FAM240A: variants seen among roughly 807,000 people sequenced by gnomAD.
FAM240A encodes the protein protein FAM240A.
A neutral mutation model predicts 7.3 loss-of-function variants in FAM240A; 8 were observed. The observed-to-expected ratio is 1.09, with a 90% CI of 0.64 to 1.97. The LOEUF (loss-of-function observed/expected upper bound fraction) is 1.97, where lower values mean the gene tolerates loss of function less well. Ranked by LOEUF, FAM240A falls within the 30% of genes most tolerant of loss-of-function variation. The pLI is 0.00. For missense variants in FAM240A, 90 were observed against 102.2 expected, an observed-to-expected ratio of 0.88 and a Z score of 0.52; for synonymous variants, 32 against 35.9, an observed-to-expected ratio of 0.89 and a Z score of 0.38.
In FAM240A at chr3:46,621,870, A is replaced by G. The variant is rs376512856; in HGVS notation, c.162-3258A>G. On this transcript the variant is annotated intron_variant, in intron 2 of 2. Transcript: ENST00000640551. ...GTTTAGTCCTTTTTCATTTATTGTA[A>G]CTGGCTTGTTTCTACCATCTTAGTT... Among the ~76,000 whole-genome samples, 18 of 151,746 alleles carry G rather than the reference A, an allele frequency of 1.2e-4. No individual in the cohort carries two copies. In the East Asian group the frequency reaches 1.5e-3, roughly 13 times the overall value.
chr3:46,618,569 G>A (rs1030103418), intron 2 of FAM240A, among the ~76,000 whole-genome samples: 11 of 152,162 alleles, frequency 7.2e-5, no homozygotes, highest in South Asian at 2.1e-4. Flanking sequence ...GGCCGGGTGC[G>A]GTGACTCACG....
intron 1 of FAM240A, among the ~76,000 whole-genome samples, chr3:46,613,514 A>AATAAATAC (rs1697591926): frequency 6.6e-6 from 1 of 151,328 alleles, no homozygotes; most frequent in African/African-American, 2.4e-5. Context: ...TAAATAAATA[A>AATAAATAC]ATAAATAAAT....
chr3:46,625,128 G>T lies in FAM240A; in HGVS notation c.162G>T (p.Lys54Asn). 1.3e-6 allele frequency: 2 copies of T among 1,533,830 alleles called. No homozygotes were observed. Among genetic ancestry groups the T allele is most frequent in the Non-Finnish European group, 1.7e-6 (2 of 1,145,256 alleles). Residue 54 changes from lysine to asparagine, a missense_variant and splice_region_variant, in exon 3 of 3, where the codon AAG becomes AAT. Coordinates refer to ENST00000640551, the MANE Select transcript of FAM240A (RefSeq NM_001195442.2). ...CTGTGTGTTTGGTTTCTATTTTCAG[G>T]CTCAGAGAAGAATGGAAGCAGAGGC... ...ERRLGRSALR[K>N]LREEWKQRLE... is the part of the protein sequence containing the mutation.
At chr3:46,619,276 T>C (rs558187018) in intron 2 of FAM240A, among the ~76,000 whole-genome samples, 1 of 152,228 alleles carries the variant, frequency 6.6e-6, no homozygotes, top group Admixed American at 6.5e-5. Flanking sequence ...AGCAGAGACT[T>C]TGCAGCTGGT....
At chr3:46,621,382 G>C (rs1376656450) in intron 2 of FAM240A, among the ~76,000 whole-genome samples, 2 of 151,994 alleles carry the variant, frequency 1.3e-5, no homozygotes, top group African/African-American at 4.8e-5. Context: ...AACCAACCTT[G>C]TTTTTATTAG....
At position 46,625,243 on chromosome 3, in the gene FAM240A, G is replaced by GGT; in HGVS notation, c.*25_*26insGT. ...AGAGCTTCCTGCTTCATTGACACAA[G>GGT]AAGATGCAAAACACTGAGGTCACTT... On this transcript the variant is annotated 3_prime_UTR_variant, in exon 3 of 3. Transcript: ENST00000640551. The GGT allele has an allele frequency of 1.3e-6, 2 of 1,503,378 alleles. No homozygotes were observed. Among genetic ancestry groups the GGT allele is most frequent in the Non-Finnish European group, 8.9e-7 (1 of 1,120,938 alleles). The allele number at this position is 1,503,378 out of a possible 1,614,324, so 93.1% of individuals were successfully genotyped here.
intron 1 of FAM240A, among the ~76,000 whole-genome samples, chr3:46,616,978 A>G (rs1697636693): frequency 6.6e-6 from 1 of 152,232 alleles, no homozygotes; most frequent in Non-Finnish European, 1.5e-5. Context: ...TCCTACCAAC[A>G]GCATATAAGT....
chr3:46,614,077 C>A (rs1048129830), intron 1 of FAM240A, among the ~76,000 whole-genome samples: 1 of 151,980 alleles, frequency 6.6e-6, no homozygotes, highest in East Asian at 1.9e-4. Context: ...TAGCACTACG[C>A]CCAGCTAATT....
At chr3:46,614,869 A>G (rs1199332940) in intron 1 of FAM240A, among the ~76,000 whole-genome samples, 1 of 152,248 alleles carries the variant, frequency 6.6e-6, no homozygotes, top group African/African-American at 2.4e-5. Flanking sequence ...AAAGTTGTCA[A>G]TGACATTTAA....
intron 2 of FAM240A, among the ~76,000 whole-genome samples, chr3:46,622,964 G>A (rs544224670): frequency 2.0e-5 from 3 of 152,220 alleles, no homozygotes; most frequent in East Asian, 1.9e-4. Context: ...GAGAAATGAC[G>A]TCCTAATAAT....
intron 2 of FAM240A, 49 bp from the exon 3 acceptor site, chr3:46,625,079 G>C: frequency 7.3e-7 from 1 of 1,373,072 alleles, no homozygotes; most frequent in Non-Finnish European, 1.0e-6. Flanking sequence ...CCTGAACCAA[G>C]AGCCATGGAA....
intron 1 of FAM240A, 70 bp downstream of exon 1, chr3:46,612,768 C>A: frequency 1.6e-6 from 2 of 1,275,516 alleles, no homozygotes; most frequent in Non-Finnish European, 2.2e-6. Context: ...ATGGTTTGTC[C>A]AAGTTGGTGC....
chr3:46,618,986 G>A (rs964162192), intron 2 of FAM240A, among the ~76,000 whole-genome samples: 1 of 151,804 alleles, frequency 6.6e-6, no homozygotes, highest in African/African-American at 2.4e-5. Context: ...TTGATAGGGT[G>A]GCAGAAGACT....
chr3:46,626,243 G>A lies in FAM240A; in HGVS notation c.*1025G>A, dbSNP rs1015814091. On this transcript the variant is annotated 3_prime_UTR_variant, in exon 3 of 3. Transcript: ENST00000640551. ...CAAATACACTGAGAATGACATTATG[G>A]TCTAAGAAGAATGTGTGTTCGGAGT... is the stretch of plus-strand genomic sequence containing the variant. 2.0e-5 allele frequency: 3 copies of A among 152,158 alleles called. No homozygotes were observed. The highest frequency in any genetic ancestry group is 7.2e-5 in the African/African-American group (3 of 41,428). The allele number at this position is 152,158 out of a possible 1,614,324, so 9.4% of individuals were successfully genotyped here. A position where few individuals can be genotyped will look rare whatever the true frequency, so the allele number is the denominator to read the frequency against.
chr3:46,625,422 A>G lies in FAM240A; in HGVS notation c.*204A>G, dbSNP rs1191771241. 4.0e-5 allele frequency: 14 copies of G among 352,212 alleles called. No individual in the cohort carries two copies. The highest frequency in any genetic ancestry group is 5.2e-6 in the Non-Finnish European group (1 of 194,092). The allele number at this position is 352,212 out of a possible 1,614,324, so 21.8% of individuals were successfully genotyped here. On this transcript the variant is annotated 3_prime_UTR_variant, in exon 3 of 3. Transcript: ENST00000640551. ...AGTCAGTCCTCTGTGCATGGGCGCCAGGTTATTATCCCAAATGTCTCTAAA... is the reference window on the plus strand; with the variant it reads ...AGTCAGTCCTCTGTGCATGGGCGCCGGGTTATTATCCCAAATGTCTCTAAA...
In FAM240A at chr3:46,615,988, C is replaced by T. The variant is rs1290241604; in HGVS notation, c.16-1195C>T. On this transcript the variant is annotated intron_variant, in intron 1 of 2. Coordinates refer to ENST00000640551, the MANE Select transcript of FAM240A (RefSeq NM_001195442.2). The stretch of plus-strand genomic sequence containing the variant: ...AGCCTGTCACTCCTCAAATATCTCA[C>T]CTAAAAGATGAAGAAGGTCATGGCC... Among the ~76,000 whole-genome samples, 3 of 152,198 alleles carry T rather than the reference C, an allele frequency of 2.0e-5. No individual in the cohort carries two copies. The East Asian group carries it at 5.8e-4, about 29-fold the overall frequency.
chr3:46,615,850 G>GCA (rs111864834), intron 1 of FAM240A, among the ~76,000 whole-genome samples: 4,788 of 150,284 alleles, frequency 0.032, 113 homozygotes, highest in East Asian at 0.077. Context: ...ATGTGTGCAC[G>GCA]CACACACACA....
At chr3:46,617,058 G>T in intron 1 of FAM240A, 125 bp from the exon 2 acceptor site, 2 of 636,648 alleles carry the variant, frequency 3.1e-6, no homozygotes, top group South Asian at 2.5e-5. Context: ...ATTGGAGTAA[G>T]GTGGATTGGA....
chr3:46,623,193 T>C (rs1035179367), intron 2 of FAM240A, among the ~76,000 whole-genome samples: 4 of 152,208 alleles, frequency 2.6e-5, no homozygotes, highest in African/African-American at 9.6e-5. Context: ...GAATTTGTTA[T>C]TTAGTTTCAA....
Sources: gnomAD v4.1 joint callset for allele counts (sites outside exome capture counted in the v4.1 genomes callset) on GRCh38, gnomAD v4.1.1 for gene constraint, MANE v1.5 for transcripts, NCBI Gene and HGNC (gene_info 2026-07-23, HGNC 2026-07-21) for gene names.